The following PMEPA1 variants were observed in gnomAD, a reference collection of about 807,000 sequenced individuals.
PMEPA1 encodes prostate transmembrane protein, androgen induced 1, also known as protein TMEPAI.
PMEPA1 carries 11 observed loss-of-function variants against 23.0 expected under a neutral mutation model. The observed-to-expected ratio is 0.48, with a 90% CI of 0.30 to 0.79. PMEPA1 has a LOEUF of 0.79. Ranked by LOEUF, PMEPA1 falls within the 30% of genes least tolerant of loss-of-function variation. The probability of loss-of-function intolerance (pLI) is 0.06; values close to 1 mark genes in which losing one functional copy is unlikely to be tolerated. For synonymous variants in PMEPA1, 204 were observed against 166.4 expected, an observed-to-expected ratio of 1.23 and a Z score of -1.74; for missense variants, 377 against 390.9, an observed-to-expected ratio of 0.96 and a Z score of 0.30.
chr20:57,654,525 T>C (rs905393568), intron 2 of PMEPA1, among the ~76,000 whole-genome samples: 4 of 152,130 alleles, frequency 2.6e-5, no homozygotes, highest in Non-Finnish European at 5.9e-5. Context: ...AGGTCTTAAC[T>C]GCCTCGTCTC....
chr20:57,688,964 G>T (rs34570352), intron 1 of PMEPA1, among the ~76,000 whole-genome samples: 2 of 152,224 alleles, frequency 1.3e-5, no homozygotes, highest in African/African-American at 2.4e-5. Context: ...AGACCTGGCT[G>T]AGCGCTGCCT....
At chr20:57,694,877 C>A (rs2071925640) in intron 1 of PMEPA1, among the ~76,000 whole-genome samples, 1 of 152,222 alleles carries the variant, frequency 6.6e-6, no homozygotes, top group African/African-American at 2.4e-5. Flanking sequence ...GGCCTGAGAG[C>A]CACAAAGCCG....
intron 1 of PMEPA1, among the ~76,000 whole-genome samples, chr20:57,669,616 C>T (rs2071540696): frequency 1.3e-5 from 2 of 152,204 alleles, no homozygotes; most frequent in South Asian, 2.1e-4. Flanking sequence ...TGTATCCTCA[C>T]GGGATGAGCC....
intron 1 of PMEPA1, among the ~76,000 whole-genome samples, chr20:57,697,585 A>G (rs1446383858): frequency 6.6e-6 from 1 of 152,228 alleles, no homozygotes; most frequent in Non-Finnish European, 1.5e-5. Flanking sequence ...GCCCTAAGCT[A>G]GGAGCTGGAT....
At position 57,651,389 on chromosome 20, in the gene PMEPA1, G is replaced by A. The variant is rs1207659057; in HGVS notation, c.*664C>T. The A allele has an allele frequency of 6.5e-6, 1 of 152,674 alleles. No homozygotes were observed. The highest frequency in any genetic ancestry group is 1.5e-5 in the Non-Finnish European group (1 of 68,042). The allele number at this position is 152,674 out of a possible 1,614,324, so 9.5% of individuals were successfully genotyped here. ...TCCCTTAAAGTCTCAACAGACACAA[G>A]AGAAGTTTCCATCAAGCAAGCACTG... On this transcript the variant is annotated 3_prime_UTR_variant, in exon 4 of 4. Coordinates refer to ENST00000341744, the MANE Select transcript of PMEPA1 (RefSeq NM_020182.5).
At chr20:57,684,534 G>A (rs553643671) in intron 1 of PMEPA1, among the ~76,000 whole-genome samples, 100 of 152,294 alleles carry the variant, frequency 6.6e-4, no homozygotes, top group African/African-American at 1.6e-3. Context: ...CTGGCAGGAC[G>A]ATGCCTATTT....
chr20:57,679,686 G>C (rs2071685668), intron 1 of PMEPA1, among the ~76,000 whole-genome samples: 1 of 152,222 alleles, frequency 6.6e-6, no homozygotes, highest in African/African-American at 2.4e-5. Flanking sequence ...GCAACTGCTG[G>C]AGCCACATAG....
intron 1 of PMEPA1, among the ~76,000 whole-genome samples, chr20:57,678,163 C>G (rs552027802): frequency 1.3e-5 from 2 of 152,246 alleles, no homozygotes; most frequent in African/African-American, 2.4e-5. Flanking sequence ...AACACACACA[C>G]AGACACACAC....
intron 1 of PMEPA1, among the ~76,000 whole-genome samples, chr20:57,670,047 C>T (rs1159523259): frequency 2.0e-5 from 3 of 152,054 alleles, no homozygotes; most frequent in Non-Finnish European, 4.4e-5. Flanking sequence ...TCTGCCTGAC[C>T]CTAGGAGCAC....
intron 1 of PMEPA1, among the ~76,000 whole-genome samples, chr20:57,705,847 G>A (rs2072076905): frequency 6.6e-6 from 1 of 152,156 alleles, no homozygotes; most frequent in Non-Finnish European, 1.5e-5. Context: ...TGTGGGAGAG[G>A]GGTGCTGGTA....
At chr20:57,659,359 G>A (rs538272102) in intron 2 of PMEPA1, among the ~76,000 whole-genome samples, 184 bp downstream of exon 2, 4 of 152,288 alleles carry the variant, frequency 2.6e-5, no homozygotes, top group South Asian at 4.1e-4. Flanking sequence ...TCTGAGGCCC[G>A]CCTGGCGGGT....
chr20:57,659,793 G>T, intron 1 of PMEPA1, 96 bp from the exon 2 acceptor site: 2 of 1,162,382 alleles, frequency 1.7e-6, no homozygotes, highest in Non-Finnish European at 2.4e-6. Flanking sequence ...CACCTAGGGG[G>T]ACGAGAGTGC....
intron 1 of PMEPA1, chr20:57,700,096 G>A (rs895162312): frequency 2.1e-6 from 1 of 471,152 alleles, no homozygotes; most frequent in Non-Finnish European, 4.4e-6. Context: ...GCCAGTGATG[G>A]AACTGGCCCC....
intron 1 of PMEPA1, among the ~76,000 whole-genome samples, chr20:57,700,780 C>A (rs2072000538): frequency 6.6e-6 from 1 of 152,178 alleles, no homozygotes; most frequent in African/African-American, 2.4e-5. Flanking sequence ...GTAATCTCAG[C>A]ACTTTGGGAG....
chr20:57,658,888 G>A (rs2071365726), intron 2 of PMEPA1, among the ~76,000 whole-genome samples: 1 of 152,172 alleles, frequency 6.6e-6, no homozygotes, highest in Non-Finnish European at 1.5e-5. Context: ...TACCCCGGTG[G>A]GTAAGAGCCA....
intron 1 of PMEPA1, among the ~76,000 whole-genome samples, chr20:57,669,864 A>C (rs978491817): frequency 6.7e-6 from 1 of 148,768 alleles, no homozygotes; most frequent in Non-Finnish European, 1.5e-5. Flanking sequence ...AATTATATTT[A>C]TAGTAAAAGA....
Position 57,655,966 on chromosome 20 carries a change from C to T in PMEPA1, c.265-2880G>A, listed in dbSNP as rs1434589303. ...TCACACTCAGAAAAGACCTCATTGA[C>T]AAAACCAGGCAGCCGCAGTGAGCTG... On this transcript the variant is annotated intron_variant, in intron 2 of 3. Coordinates refer to ENST00000341744, the MANE Select transcript of PMEPA1 (RefSeq NM_020182.5). The surrounding 1 kb of genome is among the most constrained non-coding windows in gnomAD (Gnocchi z 4.2). Among the ~76,000 whole-genome samples, 1 of 152,000 alleles carries T rather than the reference C, an allele frequency of 6.6e-6. No homozygotes were observed. The highest frequency in any genetic ancestry group is 1.5e-5 in the Non-Finnish European group (1 of 68,006).
intron 1 of PMEPA1, among the ~76,000 whole-genome samples, chr20:57,672,146 A>G (rs907975307): frequency 1.3e-5 from 2 of 152,274 alleles, no homozygotes; most frequent in African/African-American, 2.4e-5. Context: ...TATAACAGGC[A>G]TAACACTTCT....
At chr20:57,688,532 C>T (rs182064435) in intron 1 of PMEPA1, among the ~76,000 whole-genome samples, 6 of 152,184 alleles carry the variant, frequency 3.9e-5, no homozygotes, top group Admixed American at 2.0e-4. Flanking sequence ...CAGGAAGCCA[C>T]AAAGAACGGC....
Sources: gnomAD v4.1 joint callset for allele counts (sites outside exome capture counted in the v4.1 genomes callset) on GRCh38, gnomAD v4.1.1 for gene constraint, Gnocchi (gnomAD v3.1) non-coding constraint, MANE v1.5 for transcripts, NCBI Gene and HGNC (gene_info 2026-07-23, HGNC 2026-07-21) for gene names.